Variants in STAT2 observed in about 807,000 individuals in gnomAD.
STAT2 encodes the protein interferon alpha induced transcriptional activator.
A neutral mutation model predicts 122.3 loss-of-function variants in STAT2; 51 were observed. The observed-to-expected ratio is 0.42, with a 90% CI of 0.33 to 0.53. The LOEUF (loss-of-function observed/expected upper bound fraction) is 0.53. Among genes scored for constraint, STAT2 ranks in the 20% least tolerant of loss-of-function variants. STAT2 has a pLI of 0.10. For missense variants in STAT2, 736 were observed against 1,010.3 expected (o/e 0.73, Z 3.68); for synonymous variants, 351 against 394.9 (o/e 0.89, Z 1.32).
At position 56,342,755 on chromosome 12, in the gene STAT2, G is replaced by A. The variant is rs1437067661; in HGVS notation, c.*634C>T. 1 of 152,252 alleles carries A rather than the reference G, an allele frequency of 6.6e-6. No homozygotes were observed. Among genetic ancestry groups the A allele is most frequent in the Non-Finnish European group, 1.5e-5 (1 of 68,100 alleles). The allele number at this position is 152,252 out of a possible 1,614,324, so 9.4% of individuals were successfully genotyped here. A position where few individuals can be genotyped will look rare whatever the true frequency, so the allele number is the denominator to read the frequency against. On this transcript the variant is annotated 3_prime_UTR_variant, in exon 24 of 24. Transcript: ENST00000314128. The stretch of plus-strand genomic sequence containing the variant: ...TATGGGGGAGGAACAGGTACAGCCA[G>A]CTTAGGGGCAGAGTAGGGGAGGAGA...
chr12:56,348,308 C>T (rs1441749614), intron 19 of STAT2, among the ~76,000 whole-genome samples: 2 of 151,744 alleles, frequency 1.3e-5, no homozygotes, highest in African/African-American at 2.4e-5. Context: ...AGGATGGTCT[C>T]GATCTCCTGA....
At chr12:56,349,776 T>C in intron 13 of STAT2, 140 bp from the exon 14 acceptor site, 4 of 1,100,728 alleles carry the variant, frequency 3.6e-6, no homozygotes, top group South Asian at 2.7e-5. Context: ...AGGCCAGCTA[T>C]GGTGGCTCAT....
rs1412392536 is a variant in STAT2, at chr12:56,351,114, A to C, written c.1018T>G (p.Phe340Val). The change falls in exon 10 of 24, where the codon TTC becomes GTC. Residue 340 changes from phenylalanine to valine, a missense_variant. Physicochemically the swap from Phe to Val is conservative, Grantham distance 50 (BLOSUM62 -1). Transcript: ENST00000314128. ...AATGCCAACCTTGTTCGGACGGTGA[A>C]CTTGCTGCCAGTCTTGAGGATGAGG... ...RPLILKTGSK[F>V]TVRTRLLVRL... The C allele has an allele frequency of 1.9e-6, 3 of 1,614,010 alleles. No homozygotes were observed. Among genetic ancestry groups the C allele is most frequent in the Non-Finnish European group, 2.5e-6 (3 of 1,179,982 alleles).
intron 19 of STAT2, 34 bp downstream of exon 19, chr12:56,348,495 C>T (rs369706651): frequency 3.1e-6 from 5 of 1,611,334 alleles, no homozygotes; most frequent in Non-Finnish European, 4.2e-6. Flanking sequence ...CCGGAAAGCA[C>T]AAGCCCATGA....
At chr12:56,349,757 A>T in intron 13 of STAT2, 121 bp from the exon 14 acceptor site, 1 of 1,348,896 alleles carries the variant, frequency 7.4e-7, no homozygotes, top group Admixed American at 1.8e-5. Context: ...GTTCCTTTGG[A>T]CTAAAAGCAG....
At chr12:56,359,998 C>T in intron 1 of STAT2, 60 bp downstream of exon 1, 2 of 974,366 alleles carry the variant, frequency 2.1e-6, no homozygotes, top group South Asian at 4.7e-5. Context: ...GCCCTTCCCT[C>T]GGAGGAACTC....
rs1565657762 is a variant in STAT2 at position 56,354,042 on chromosome 12, A to AT, written c.782+423_782+424insA. 1.1e-3 allele frequency among the ~76,000 whole-genome samples: 36 copies of AT among 32,240 alleles called. 3 individuals are homozygous for AT. Among genetic ancestry groups the AT allele is most frequent in the Non-Finnish European group, 2.9e-3 (24 of 8,286 alleles). The allele number at this position is 32,240 out of a possible 152,430, so 21.2% of individuals were successfully genotyped here. A position where few individuals can be genotyped will look rare whatever the true frequency, so the allele number is the denominator to read the frequency against. On this transcript the variant is annotated intron_variant, in intron 8 of 23. Coordinates refer to ENST00000314128, the MANE Select transcript of STAT2 (RefSeq NM_005419.4). ...ATATATATATATATATATATATATA[A>AT]AAAATACTGTTAAGCTTAAAAAAAA...
At chr12:56,349,973 C>T (rs1161030472) in intron 13 of STAT2, 124 bp downstream of exon 13, 7 of 833,618 alleles carry the variant, frequency 8.4e-6, no homozygotes, top group African/African-American at 3.4e-5. Context: ...TGCTTGAACC[C>T]GGGAGGCGGA....
At chr12:56,346,755 A>AG in intron 20 of STAT2, 64 bp downstream of exon 20, 1 of 1,609,600 alleles carries the variant, frequency 6.2e-7, no homozygotes, top group Non-Finnish European at 8.5e-7. Flanking sequence ...GGGCAGGCAG[A>AG]GGGGCAAGAG....
intron 22 of STAT2, among the ~76,000 whole-genome samples, chr12:56,345,524 A>AAAAAATATATATATATAT (rs1555169410): frequency 3.8e-5 from 1 of 26,250 alleles, no homozygotes; most frequent in Non-Finnish European, 5.4e-5. Flanking sequence ...AAAAAAAAAA[A>AAAAAATATATATATATAT]ATATATATAT....
chr12:56,343,922 T>C lies in STAT2; in HGVS notation c.2316A>G (p.Gln772=), dbSNP rs1191973090. The change falls in exon 23 of 24, where the codon CAA becomes CAG. Residue 772 remains glutamine (Q), a synonymous_variant. Transcript: ENST00000314128. ...VIEPTLCMVS[Q]TVPEPDQGPV... Reference sequence around the variant, plus strand: ...GTCCTTGGTCTGGCTCTGGCACTGTTTGTGATACCATGCATAGTGTGGGCT... The same window carrying C: ...GTCCTTGGTCTGGCTCTGGCACTGTCTGTGATACCATGCATAGTGTGGGCT... 9 of 1,614,164 alleles carry C rather than the reference T, an allele frequency of 5.6e-6. No homozygotes were observed. The Middle Eastern group carries it at 5.0e-4, about 89-fold the overall frequency.
intron 11 of STAT2, 40 bp from the exon 12 acceptor site, chr12:56,350,472 A>G (rs757071613): frequency 2.6e-6 from 4 of 1,566,364 alleles, no homozygotes; most frequent in Non-Finnish European, 2.6e-6. Flanking sequence ...TGGGCAAAAG[A>G]GTATGGAAGT....
At chr12:56,350,287 C>T (rs1349522033) in intron 12 of STAT2, 97 bp from the exon 13 acceptor site, 11 of 1,431,066 alleles carry the variant, frequency 7.7e-6, no homozygotes, top group Middle Eastern at 1.8e-4. Flanking sequence ...TTTCAGATCT[C>T]GCCATCTCCC....
At chr12:56,349,373 T>G in intron 15 of STAT2, 53 bp downstream of exon 15, 1 of 1,614,134 alleles carries the variant, frequency 6.2e-7, no homozygotes, top group Non-Finnish European at 8.5e-7. Context: ...ATCCCCTTCT[T>G]ATGCCTTCTT....
In STAT2 at chr12:56,351,400, T is replaced by A. The variant is rs1347844782; in HGVS notation, c.833A>T (p.Glu278Val). Residue 278 changes from glutamate to valine, a missense_variant, in exon 9 of 24, where the codon GAG (glutamate) becomes GTG (valine). Coordinates refer to ENST00000314128, the MANE Select transcript of STAT2 (RefSeq NM_005419.4). ...LLFHLRQLLK[E>V]LKGLSCLVSY... ...AACCAGGCAACTCAGTCCCTTCAGC[T>A]CCTTCAGCAGCTGCCTCAGGTGAAA... The A allele has an allele frequency of 6.2e-7, 1 of 1,614,022 alleles. No individual in the cohort carries two copies. Among genetic ancestry groups the A allele is most frequent in the Non-Finnish European group, 8.5e-7 (1 of 1,180,000 alleles).
intron 13 of STAT2, 67 bp downstream of exon 13, chr12:56,350,028 GAC>G: frequency 7.1e-7 from 1 of 1,400,610 alleles, no homozygotes; most frequent in East Asian, 2.3e-5. Context: ...CAGCCTGGGG[GAC>G]AGAGTGAGAC....
chr12:56,349,507 C>T lies in STAT2; in HGVS notation c.1260G>A (p.Gly420=). 1 of 1,614,210 alleles carries T rather than the reference C, an allele frequency of 6.2e-7. No individual in the cohort carries two copies. Among genetic ancestry groups the T allele is most frequent in the Middle Eastern group, 1.6e-4 (1 of 6,062 alleles). Residue 420 remains glycine, a splice_region_variant and synonymous_variant, in exon 15 of 24, where the codon GGG becomes GGA. Transcript: ENST00000314128. The part of the protein sequence containing the change: ...SGGSGKGSNK[G]PLGVTEELHI... ...GCAGTTCCTCTGTCACACCTAGTGG[C>T]CCCTGGGACAGCCAAAGACATAGTC... is the stretch of plus-strand genomic sequence containing the variant.
intron 19 of STAT2, among the ~76,000 whole-genome samples, chr12:56,347,375 G>A (rs1877657122): frequency 6.6e-6 from 1 of 152,052 alleles, no homozygotes; most frequent in Non-Finnish European, 1.5e-5. Flanking sequence ...ATTTTTCGTA[G>A]AGACGGGGTT....
chr12:56,346,746 G>C, intron 20 of STAT2, 73 bp downstream of exon 20: 12 of 1,608,152 alleles, frequency 7.5e-6, no homozygotes, highest in Non-Finnish European at 1.0e-5. Context: ...GGAAGCCAAG[G>C]GCAGGCAGAG....
Sources: gnomAD v4.1 joint callset for allele counts (sites outside exome capture counted in the v4.1 genomes callset) on GRCh38, gnomAD v4.1.1 for gene constraint, MANE v1.5 for transcripts, NCBI Gene and HGNC (gene_info 2026-07-23, HGNC 2026-07-21) for gene names.